The following OGDH variants were observed in gnomAD, a reference collection of about 807,000 sequenced individuals.
OGDH encodes 2-oxoglutarate dehydrogenase complex component E1.
Under a neutral mutation model 116.6 loss-of-function variants are expected in OGDH, and 38 were observed. The observed-to-expected ratio is 0.33, with a 90% CI of 0.25 to 0.43. The LOEUF is 0.43. Among genes scored for constraint, OGDH ranks in the 20% least tolerant of loss-of-function variants. The pLI is 1.00. For missense variants in OGDH, 825 were observed against 1,357.2 expected (o/e 0.61, Z 6.16); for synonymous variants, 488 against 533.3 (o/e 0.92, Z 1.17).
chr7:44,616,875 A>ATATATACACATATATACG (rs1562611367), intron 1 of OGDH, among the ~76,000 whole-genome samples: 112 of 31,506 alleles, frequency 3.6e-3, no homozygotes, highest in African/African-American at 0.011. Context: ...ATATATACGT[A>ATATATACACATATATACG]TATATATATG....
At chr7:44,681,980 C>T in intron 10 of OGDH, 132 bp downstream of exon 10, 1 of 1,203,732 alleles carries the variant, frequency 8.3e-7, no homozygotes, top group Non-Finnish European at 1.2e-6. Flanking sequence ...GGTGCAGTGG[C>T]TCACGCCTGT....
chr7:44,612,675 G>T (rs1390127094), intron 1 of OGDH, among the ~76,000 whole-genome samples: 3 of 151,408 alleles, frequency 2.0e-5, no homozygotes, highest in Admixed American at 2.0e-4. Context: ...GAGCCACCAC[G>T]CCTGGCCACC....
chr7:44,682,568 A>G (rs1787974741), intron 10 of OGDH, among the ~76,000 whole-genome samples: 2 of 151,164 alleles, frequency 1.3e-5, no homozygotes, highest in African/African-American at 4.9e-5. Context: ...GGTGGCGCGC[A>G]CTTGTAATCC....
Position 44,697,449 on chromosome 7 carries a change from G to GC in OGDH, c.2136dup (p.Tyr713LeufsTer10). On this transcript the variant is annotated frameshift_variant, in exon 16 of 23. Transcript: ENST00000222673. LOFTEE classifies it high-confidence loss of function. This position sits in a 1 kb window ranked among gnomAD's most constrained non-coding sequence, Gnocchi z 6.0. ...CATGAACCATCTCTGGCCCAATCAGGCCCCCTATACTGTGTGCAACAGCTC... is the reference window on the plus strand; with the variant it reads ...CATGAACCATCTCTGGCCCAATCAGGCCCCCCTATACTGTGTGCAACAGCTC... 1 of 1,614,130 alleles carries GC rather than the reference G, an allele frequency of 6.2e-7. No individual in the cohort carries two copies.
intron 1 of OGDH, among the ~76,000 whole-genome samples, chr7:44,608,067 A>G (rs541510901): frequency 6.6e-6 from 1 of 152,030 alleles, no homozygotes; most frequent in East Asian, 1.9e-4. Context: ...TAACATCTTT[A>G]TTGAGATAAA....
chr7:44,636,407 C>T (rs966572280), intron 2 of OGDH, among the ~76,000 whole-genome samples: 3 of 152,194 alleles, frequency 2.0e-5, no homozygotes, highest in African/African-American at 4.8e-5. Flanking sequence ...CTGTAGCTGC[C>T]GATATGTGGG....
At chr7:44,636,551 G>T (rs572556802) in intron 2 of OGDH, among the ~76,000 whole-genome samples, 117 of 152,370 alleles carry the variant, frequency 7.7e-4, no homozygotes, top group African/African-American at 2.8e-3. Context: ...TCAGAAAGGA[G>T]GCTGAATATC....
intron 5 of OGDH, among the ~76,000 whole-genome samples, chr7:44,673,289 G>A (rs1349784274): frequency 3.9e-5 from 6 of 152,094 alleles, no homozygotes; most frequent in South Asian, 4.1e-4. Context: ...CTGCACTCCC[G>A]CCTCGATGAC....
chr7:44,638,163 ATTTTCC>A (rs563013646), intron 2 of OGDH, among the ~76,000 whole-genome samples: 387 of 152,274 alleles, frequency 2.5e-3, no homozygotes, highest in Non-Finnish European at 4.8e-3. Flanking sequence ...GGGGACAGAT[ATTTTCC>A]TTACGTTATT....
chr7:44,674,680 T>A, intron 7 of OGDH, 123 bp downstream of exon 7: 2 of 1,051,508 alleles, frequency 1.9e-6, no homozygotes, highest in South Asian at 1.5e-5. Context: ...GAGTCTGGGC[T>A]CATCTGGTAC....
chr7:44,652,909 C>T (rs912954327), intron 4 of OGDH, among the ~76,000 whole-genome samples: 1 of 152,060 alleles, frequency 6.6e-6, no homozygotes, highest in Admixed American at 6.5e-5. Flanking sequence ...GAAGAAGGGT[C>T]ATCAGTTGGG....
chr7:44,700,022 A>G, intron 18 of OGDH, 119 bp from the exon 19 acceptor site: 1 of 1,126,768 alleles, frequency 8.9e-7, no homozygotes, highest in South Asian at 1.5e-5. Flanking sequence ...GGAGATTACA[A>G]TTCAACATGA....
At chr7:44,639,776 A>G (rs1253488579) in intron 2 of OGDH, among the ~76,000 whole-genome samples, 3 of 152,138 alleles carry the variant, frequency 2.0e-5, no homozygotes, top group African/African-American at 7.2e-5. Context: ...TGGTGTGGGA[A>G]CTGAGCCAAC....
intron 10 of OGDH, among the ~76,000 whole-genome samples, chr7:44,692,446 A>G (rs904429463): frequency 1.3e-5 from 2 of 152,212 alleles, no homozygotes; most frequent in African/African-American, 4.8e-5. Flanking sequence ...CTGTTTACGG[A>G]CATATGAAGT....
chr7:44,620,398 C>T (rs1784966704), intron 1 of OGDH, among the ~76,000 whole-genome samples: 1 of 152,166 alleles, frequency 6.6e-6, no homozygotes, highest in Non-Finnish European at 1.5e-5. Context: ...ACTAAGAATA[C>T]ATTGCTTGAA....
At chr7:44,614,418 T>G (rs559760813) in intron 1 of OGDH, among the ~76,000 whole-genome samples, 1 of 152,168 alleles carries the variant, frequency 6.6e-6, no homozygotes, top group African/African-American at 2.4e-5. Flanking sequence ...TTTTGCCAGA[T>G]TTGGGAGATT....
chr7:44,624,256 C>A, intron 1 of OGDH, 61 bp from the exon 2 acceptor site: 3 of 1,139,696 alleles, frequency 2.6e-6, no homozygotes, highest in Admixed American at 2.2e-5. Context: ...GTAGCCTTGT[C>A]TCCTAAATAC....
chr7:44,610,084 G>A (rs1784503841), intron 1 of OGDH, among the ~76,000 whole-genome samples: 1 of 152,008 alleles, frequency 6.6e-6, no homozygotes, highest in Admixed American at 6.6e-5. Context: ...CCAAAGGCTA[G>A]GATTTCAGGC....
Position 44,707,374 on chromosome 7 carries a change from A to C in OGDH, c.2782A>C (p.Thr928Pro). ...CGACATGGTGGGGCAGGTGGCCATCACAAGGATTGAGCAGGTGAGGGCAGG... is the reference window on the plus strand; with the variant it reads ...CGACATGGTGGGGCAGGTGGCCATCCCAAGGATTGAGCAGGTGAGGGCAGG... ...ARDMVGQVAI[T>P]RIEQLSPFPF... Residue 928 changes from threonine to proline, a missense_variant, in exon 21 of 23, where the codon ACA becomes CCA. Coordinates refer to ENST00000222673, the MANE Select transcript of OGDH (RefSeq NM_002541.4). This position sits in a 1 kb window ranked among gnomAD's most constrained non-coding sequence, Gnocchi z 5.2. 8 of 1,614,266 alleles carry C rather than the reference A, an allele frequency of 5.0e-6. No individual in the cohort carries two copies. Among genetic ancestry groups the C allele is most frequent in the Non-Finnish European group, 6.8e-6 (8 of 1,180,050 alleles).
Sources: gnomAD v4.1 joint callset for allele counts (sites outside exome capture counted in the v4.1 genomes callset) on GRCh38, gnomAD v4.1.1 for gene constraint, Gnocchi (gnomAD v3.1) non-coding constraint, MANE v1.5 for transcripts, NCBI Gene and HGNC (gene_info 2026-07-23, HGNC 2026-07-21) for gene names.